Variants in GPC6 observed in about 807,000 individuals in gnomAD.
GPC6 encodes the protein glypican 6, also known as glypican-6.
Under a neutral mutation model 55.2 loss-of-function variants are expected in GPC6, and 14 were observed. The ratio of observed to expected loss-of-function variants is 0.25; its 90% confidence interval spans 0.17 to 0.40. The LOEUF (loss-of-function observed/expected upper bound fraction) is 0.40, where lower values mean the gene tolerates loss of function less well. Ranked by LOEUF, GPC6 falls within the 10% of genes least tolerant of loss-of-function variation. GPC6 has a pLI of 1.00. For synonymous variants in GPC6, 278 were observed against 259.6 expected (o/e 1.07, Z -0.68); for missense variants, 641 against 708.5 (o/e 0.90, Z 1.08).
At chr13:93,648,321 T>C (rs1409756519) in intron 2 of GPC6, among the ~76,000 whole-genome samples, 2 of 152,122 alleles carry the variant, frequency 1.3e-5, no homozygotes, top group Non-Finnish European at 2.9e-5. Context: ...AGAAAATTAC[T>C]GAAGAGAAAA....
intron 4 of GPC6, among the ~76,000 whole-genome samples, chr13:94,151,269 A>G (rs1887729874): frequency 6.6e-6 from 1 of 152,184 alleles, no homozygotes; most frequent in African/African-American, 2.4e-5. Flanking sequence ...AGAAATATGT[A>G]TATCAAAAAG....
At chr13:93,312,015 A>T (rs1056308744) in intron 1 of GPC6, among the ~76,000 whole-genome samples, 9 of 152,216 alleles carry the variant, frequency 5.9e-5, no homozygotes, top group Non-Finnish European at 1.2e-4. Flanking sequence ...ATGGAGAGTT[A>T]TGTGAGTAAT....
intron 3 of GPC6, among the ~76,000 whole-genome samples, chr13:93,895,050 G>A (rs1283202103): frequency 1.3e-5 from 2 of 149,350 alleles, no homozygotes; most frequent in East Asian, 2.0e-4. Flanking sequence ...CCACACCAAC[G>A]TCTTACAGCA....
chr13:94,271,389 C>CAT (rs1467331551), intron 4 of GPC6, among the ~76,000 whole-genome samples: 16 of 128,416 alleles, frequency 1.2e-4, no homozygotes. Flanking sequence ...CGCGCACACA[C>CAT]ACACACACAC....
At chr13:94,162,612 G>A (rs1888206345) in intron 4 of GPC6, among the ~76,000 whole-genome samples, 1 of 152,176 alleles carries the variant, frequency 6.6e-6, no homozygotes, top group African/African-American at 2.4e-5. Flanking sequence ...TAAGCGAAAG[G>A]AGGGAATGGA....
intron 5 of GPC6, among the ~76,000 whole-genome samples, chr13:94,297,645 G>A (rs1227893523): frequency 6.6e-6 from 1 of 152,150 alleles, no homozygotes; most frequent in East Asian, 1.9e-4. Flanking sequence ...CAATACATCC[G>A]ACAGATATTC....
intron 1 of GPC6, among the ~76,000 whole-genome samples, chr13:93,388,864 G>A (rs532773865): frequency 6.6e-6 from 1 of 152,256 alleles, no homozygotes; most frequent in South Asian, 2.1e-4. Context: ...GAAAGGGCTT[G>A]GCAAAATGCT....
chr13:93,594,761 G>A (rs554446552), intron 2 of GPC6, among the ~76,000 whole-genome samples: 2 of 151,726 alleles, frequency 1.3e-5, no homozygotes, highest in Admixed American at 6.6e-5. Flanking sequence ...TTCAGTGTCT[G>A]CTTAATATGC....
chr13:93,436,223 G>A (rs1877565815), intron 1 of GPC6, among the ~76,000 whole-genome samples: 1 of 152,034 alleles, frequency 6.6e-6, no homozygotes, highest in South Asian at 2.1e-4. Flanking sequence ...AATACATATG[G>A]AGGAAAAAAT....
At chr13:93,547,998 A>G (rs1040378333) in intron 2 of GPC6, among the ~76,000 whole-genome samples, 1 of 152,044 alleles carries the variant, frequency 6.6e-6, no homozygotes, top group Non-Finnish European at 1.5e-5. Context: ...CCTCCCAAAT[A>G]CTCTCTCATG....
chr13:93,293,007 A>G (rs956357324), intron 1 of GPC6, among the ~76,000 whole-genome samples: 3 of 152,014 alleles, frequency 2.0e-5, no homozygotes, highest in Admixed American at 6.6e-5. Flanking sequence ...TTATTTTTTG[A>G]GACAGGTTCT....
intron 2 of GPC6, among the ~76,000 whole-genome samples, chr13:93,596,251 A>G (rs943876479): frequency 2.6e-5 from 4 of 152,148 alleles, no homozygotes; most frequent in Non-Finnish European, 4.4e-5. Context: ...CCAAAGTTCA[A>G]TAGAGTGTTC....
chr13:93,509,315 A>G (rs1566395622), intron 1 of GPC6, among the ~76,000 whole-genome samples: 1 of 152,230 alleles, frequency 6.6e-6, no homozygotes, highest in South Asian at 2.1e-4. Context: ...TCCATGTAGT[A>G]TAAATATCAA....
intron 4 of GPC6, among the ~76,000 whole-genome samples, chr13:94,118,485 C>T (rs144170184): frequency 5.3e-5 from 8 of 152,158 alleles, no homozygotes; most frequent in African/African-American, 1.4e-4. Context: ...AATACAGAGA[C>T]GATCAGGAGA....
chr13:93,940,516 C>T (rs1214968931), intron 3 of GPC6, among the ~76,000 whole-genome samples: 3 of 151,764 alleles, frequency 2.0e-5, no homozygotes, highest in Admixed American at 2.0e-4. Flanking sequence ...CTGATTAAGT[C>T]CTCTAGGTAT....
intron 2 of GPC6, among the ~76,000 whole-genome samples, chr13:93,751,999 T>C (rs867333062): frequency 5.9e-5 from 9 of 152,180 alleles, no homozygotes; most frequent in African/African-American, 9.7e-5. Context: ...TCTCTGACAG[T>C]ATTTCTAATA....
chr13:93,929,750 A>G (rs981939362), intron 3 of GPC6, among the ~76,000 whole-genome samples: 1 of 152,072 alleles, frequency 6.6e-6, no homozygotes, highest in Admixed American at 6.5e-5. Context: ...GTAAAAAAAA[A>G]CAGATTAAAT....
intron 2 of GPC6, among the ~76,000 whole-genome samples, chr13:93,772,256 C>A (rs998618974): frequency 1.4e-4 from 22 of 152,026 alleles, no homozygotes; most frequent in African/African-American, 4.8e-4. Flanking sequence ...ATGAAGATAT[C>A]GGCATTGGTT....
chr13:93,841,322 T>C (rs1290561077), intron 3 of GPC6, among the ~76,000 whole-genome samples: 3 of 152,156 alleles, frequency 2.0e-5, no homozygotes, highest in Non-Finnish European at 4.4e-5. Context: ...AAATGAGATA[T>C]TAGGTCACAC....
Sources: allele counts gnomAD v4.1 joint callset (sites outside exome capture counted in the v4.1 genomes callset), GRCh38; gene constraint gnomAD v4.1.1; transcripts MANE v1.5; gene names NCBI Gene and HGNC (gene_info 2026-07-23, HGNC 2026-07-21).